Variants in CDH18 observed in about 807,000 individuals in gnomAD.
CDH18 encodes the protein cadherin 18, also known as cadherin-18.
CDH18 carries 31 observed loss-of-function variants against 67.9 expected under a neutral mutation model. The ratio of observed to expected loss-of-function variants is 0.46; its 90% CI spans 0.34 to 0.62. The LOEUF (loss-of-function observed/expected upper bound fraction) is 0.62, where lower values mean the gene tolerates loss of function less well. Among genes scored for constraint, CDH18 ranks in the 20% least tolerant of loss-of-function variants. The probability of loss-of-function intolerance (pLI) is 0.01; values close to 1 mark genes in which losing one functional copy is unlikely to be tolerated. For missense variants in CDH18, 890 were observed against 975.5 expected, an observed-to-expected ratio of 0.91 and a Z score of 1.17; for synonymous variants, 362 against 347.2, an observed-to-expected ratio of 1.04 and a Z score of -0.48.
intron 5 of CDH18, among the ~76,000 whole-genome samples, chr5:19,667,840 C>T (rs1339880335): frequency 1.3e-5 from 2 of 151,804 alleles, no homozygotes; most frequent in African/African-American, 2.4e-5. Flanking sequence ...CACCAGGTAT[C>T]ATCTGATATA....
At chr5:19,943,207 T>G (rs1794990546) in intron 2 of CDH18, among the ~76,000 whole-genome samples, 1 of 151,370 alleles carries the variant, frequency 6.6e-6, no homozygotes, top group African/African-American at 2.4e-5. Flanking sequence ...TTTGGGGGGG[T>G]AAGAAAAGTA....
chr5:20,429,674 C>A (rs1004275751), intron 1 of CDH18, among the ~76,000 whole-genome samples: 7 of 152,154 alleles, frequency 4.6e-5, no homozygotes, highest in African/African-American at 1.7e-4. Flanking sequence ...GGCTGAGCTA[C>A]TTTGAGCAAG....
intron 5 of CDH18, among the ~76,000 whole-genome samples, chr5:19,618,460 C>A (rs559573808): frequency 6.6e-6 from 1 of 152,176 alleles, no homozygotes; most frequent in Non-Finnish European, 1.5e-5. Context: ...CCCACTTTGG[C>A]CTCCCGAAGT....
At chr5:19,563,775 C>G (rs1166769212) in intron 8 of CDH18, among the ~76,000 whole-genome samples, 2 of 152,122 alleles carry the variant, frequency 1.3e-5, no homozygotes, top group African/African-American at 4.8e-5. Flanking sequence ...GGTGACTGAT[C>G]ACAGTACTTG....
intron 5 of CDH18, among the ~76,000 whole-genome samples, chr5:19,687,578 C>T (rs754457566): frequency 2.2e-4 from 33 of 152,182 alleles, no homozygotes; most frequent in African/African-American, 8.0e-4. Flanking sequence ...AACCCTCCTG[C>T]CTGGGACTGC....
chr5:20,214,324 T>A (rs2126404136), intron 2 of CDH18, among the ~76,000 whole-genome samples: 1 of 152,164 alleles, frequency 6.6e-6, no homozygotes, highest in South Asian at 2.1e-4. Context: ...TGACATTTTC[T>A]TCAGAGCTAG....
intron 2 of CDH18, among the ~76,000 whole-genome samples, chr5:20,031,390 C>T (rs552179874): frequency 1.3e-5 from 2 of 152,114 alleles, no homozygotes; most frequent in East Asian, 1.9e-4. Flanking sequence ...GTATAATGTT[C>T]GGTATGCTAG....
chr5:19,500,510 T>C (rs1434012766), intron 11 of CDH18, among the ~76,000 whole-genome samples: 1 of 152,198 alleles, frequency 6.6e-6, no homozygotes, highest in Non-Finnish European at 1.5e-5. Flanking sequence ...TTTTCAGCTA[T>C]GTGTCAATAT....
At chr5:20,379,801 A>C (rs1418714062) in intron 1 of CDH18, among the ~76,000 whole-genome samples, 1 of 146,718 alleles carries the variant, frequency 6.8e-6, no homozygotes, top group African/African-American at 2.4e-5. Context: ...ATGAAAAAAA[A>C]ACATTAAATT....
At chr5:19,903,800 T>G (rs1344443104) in intron 2 of CDH18, among the ~76,000 whole-genome samples, 1 of 151,878 alleles carries the variant, frequency 6.6e-6, no homozygotes, top group East Asian at 1.9e-4. Flanking sequence ...AATTGCATGC[T>G]GACAACTAGG....
intron 1 of CDH18, among the ~76,000 whole-genome samples, chr5:20,562,343 T>C (rs995617835): frequency 1.3e-5 from 2 of 151,818 alleles, no homozygotes; most frequent in Non-Finnish European, 3.0e-5. Context: ...TGTTCAATAA[T>C]GCCTAAAGAA....
chr5:19,511,714 T>C (rs1335352603), intron 10 of CDH18, among the ~76,000 whole-genome samples: 1 of 152,084 alleles, frequency 6.6e-6, no homozygotes, highest in African/African-American at 2.4e-5. Flanking sequence ...AAGAGCACCC[T>C]GGTGCTCTTA....
chr5:20,393,644 T>A (rs1255862228), intron 1 of CDH18, among the ~76,000 whole-genome samples: 6 of 151,982 alleles, frequency 3.9e-5, no homozygotes, highest in Non-Finnish European at 8.8e-5. Flanking sequence ...TCCAAAAGAC[T>A]CCTAGATTTG....
intron 1 of CDH18, among the ~76,000 whole-genome samples, chr5:20,341,609 C>A (rs1052019768): frequency 6.6e-6 from 1 of 151,784 alleles, no homozygotes; most frequent in Non-Finnish European, 1.5e-5. Flanking sequence ...TCTATTAGTT[C>A]TGTCCCTCTA....
chr5:19,633,939 A>G (rs1354133945), intron 5 of CDH18, among the ~76,000 whole-genome samples: 2 of 152,186 alleles, frequency 1.3e-5, no homozygotes. Context: ...GCCACTGCCA[A>G]ACCTTGTAGG....
rs895667839 is a variant in CDH18, at chr5:19,869,718, G to T, written c.-256-30476C>A. Among the ~76,000 whole-genome samples, 3 of 151,990 alleles carry T rather than the reference G, an allele frequency of 2.0e-5. No homozygotes were observed. The South Asian group carries it at 6.2e-4, about 32-fold the overall frequency. On this transcript the variant is annotated intron_variant, in intron 2 of 12. Coordinates refer to ENST00000382275, the MANE Select transcript of CDH18 (RefSeq NM_004934.5). ...AGGCATTAGTAGCTTTGCTCAATCT[G>T]TTATTAGACAATGCTATATTTACAT...
intron 2 of CDH18, among the ~76,000 whole-genome samples, chr5:20,104,954 C>T (rs1471174884): frequency 6.6e-6 from 1 of 152,052 alleles, no homozygotes; most frequent in African/African-American, 2.4e-5. Flanking sequence ...GATCCAATTT[C>T]CGTATTTCTG....
chr5:19,492,579 T>A (rs1303175402), intron 11 of CDH18, among the ~76,000 whole-genome samples: 5 of 152,150 alleles, frequency 3.3e-5, no homozygotes, highest in African/African-American at 1.2e-4. Flanking sequence ...ATTTCATACT[T>A]TTTTGTTGTT....
chr5:19,859,265 T>C (rs564051108), intron 2 of CDH18, among the ~76,000 whole-genome samples: 3 of 152,232 alleles, frequency 2.0e-5, no homozygotes, highest in South Asian at 2.1e-4. Context: ...TTGGGTAGCA[T>C]TAATATTAAA....
Sources: gnomAD v4.1 joint callset for allele counts (sites outside exome capture counted in the v4.1 genomes callset) on GRCh38, gnomAD v4.1.1 for gene constraint, MANE v1.5 for transcripts, NCBI Gene and HGNC (gene_info 2026-07-23, HGNC 2026-07-21) for gene names.